DNAJC13: variants seen among roughly 807,000 people sequenced by gnomAD.
DNAJC13 encodes dnaJ homolog subfamily C member 13.
Under a neutral mutation model 290.5 loss-of-function variants are expected in DNAJC13, and 75 were observed. The observed-to-expected ratio is 0.26, with a 90% CI of 0.21 to 0.31. The LOEUF is 0.31. Among genes scored for constraint, DNAJC13 ranks in the 10% least tolerant of loss-of-function variants. The pLI, the probability that DNAJC13 is intolerant of heterozygous loss-of-function variation, is 1.00. For missense variants in DNAJC13, 2,260 were observed against 2,674.5 expected, an observed-to-expected ratio of 0.85 and a Z score of 3.42; for synonymous variants, 862 against 892.0, an observed-to-expected ratio of 0.97 and a Z score of 0.60.
At position 132,471,981 on chromosome 3, in the gene DNAJC13, C is replaced by T. The variant is rs567121423; in HGVS notation, c.2209-1164C>T. The stretch of plus-strand genomic sequence containing the variant: ...ATTGAGCACTGAGTGAACGAGACTC[C>T]GTCTGCAATCCCGGCACCTCGGGAG... On this transcript the variant is annotated intron_variant, in intron 20 of 55. Coordinates refer to ENST00000260818, the MANE Select transcript of DNAJC13 (RefSeq NM_015268.4). 1.5e-4 allele frequency among the ~76,000 whole-genome samples: 22 copies of T among 148,344 alleles called. No homozygotes were observed. The South Asian group carries it at 5.0e-3, about 34-fold the overall frequency.
At chr3:132,507,713 T>C (rs1935640381) in intron 43 of DNAJC13, among the ~76,000 whole-genome samples, 2 of 152,190 alleles carry the variant, frequency 1.3e-5, no homozygotes, top group African/African-American at 2.4e-5. Flanking sequence ...TCAATAAATG[T>C]ATGTGTTCTG....
At position 132,479,213 on chromosome 3, in the gene DNAJC13, A is replaced by G. The variant is rs78618286; in HGVS notation, c.2710-14A>G. The G allele has an allele frequency of 5.5e-3, 8,682 of 1,576,056 alleles. 379 individuals are homozygous for G. The African/African-American group carries it at 0.099, about 18-fold the overall frequency. ...TCTATTCACTTCTGACCAGATTCTC[A>G]TTTATTTCAATAGTGCACAGATAAA... On this transcript the variant is annotated splice_polypyrimidine_tract_variant and intron_variant, in intron 24 of 55. Coordinates refer to ENST00000260818, the MANE Select transcript of DNAJC13 (RefSeq NM_015268.4).
Position 132,447,302 on chromosome 3 carries a change from A to G in DNAJC13, c.145-19A>G, listed in dbSNP as rs1181038930. ...TACTGTATTATAGTAGCACCAGTCA[A>G]AATTTTTTTTTTTTTAAGTGGCCTT... On this transcript the variant is annotated intron_variant, in intron 3 of 55. Transcript: ENST00000260818. 7.2e-6 allele frequency: 11 copies of G among 1,519,044 alleles called. No individual in the cohort carries two copies. Among genetic ancestry groups the G allele is most frequent in the Non-Finnish European group, 9.7e-6 (11 of 1,137,612 alleles). 94.1% of individuals were successfully genotyped at this position (1,519,044 alleles called of 1,614,324 possible).
intron 1 of DNAJC13, among the ~76,000 whole-genome samples, chr3:132,434,175 A>C (rs531179635): frequency 6.6e-6 from 1 of 150,672 alleles, no homozygotes; most frequent in Non-Finnish European, 1.5e-5. Flanking sequence ...TCGCCACTGC[A>C]CTCCAGCCTG....
chr3:132,463,846 T>C, intron 17 of DNAJC13, 29 bp downstream of exon 17: 1 of 1,597,778 alleles, frequency 6.3e-7, no homozygotes, highest in South Asian at 1.1e-5. Context: ...TTTGCTGCAA[T>C]TTAACTTCCT....
Position 132,453,719 on chromosome 3 carries a change from A to T in DNAJC13, c.840+25A>T, listed in dbSNP as rs1315333873. On this transcript the variant is annotated intron_variant, in intron 8 of 55. Coordinates refer to ENST00000260818, the MANE Select transcript of DNAJC13 (RefSeq NM_015268.4). The stretch of plus-strand genomic sequence containing the variant: ...AGTAAGTTTCAGCATTGTTAGCTTA[A>T]ATGAGATTTCTTTCTATTGATAAAT... The T allele has an allele frequency of 6.4e-6, 10 of 1,557,026 alleles. No individual in the cohort carries two copies. In the African/African-American group the frequency reaches 1.4e-4, roughly 21 times the overall value.
chr3:132,528,055 C>A, intron 53 of DNAJC13, 134 bp from the exon 54 acceptor site: 1 of 862,026 alleles, frequency 1.2e-6, no homozygotes, highest in South Asian at 1.7e-5. Context: ...TCATTAGATA[C>A]TTAAGCCTGT....
intron 1 of DNAJC13, among the ~76,000 whole-genome samples, chr3:132,430,820 T>G (rs6439357): frequency 0.51 from 78,204 of 152,038 alleles, 22,827 homozygotes; most frequent in African/African-American, 0.81. Context: ...CAGGGATAAT[T>G]CTTACTGGGT....
At chr3:132,485,619 G>T (rs1156675042) in intron 29 of DNAJC13, among the ~76,000 whole-genome samples, 3 of 152,176 alleles carry the variant, frequency 2.0e-5, no homozygotes, top group Non-Finnish European at 2.9e-5. Context: ...ATGTTGTTAA[G>T]ACTACTGGGA....
In DNAJC13 at chr3:132,516,698, T is replaced by A. The variant is rs2107737480; in HGVS notation, c.5561-6T>A. 6.2e-7 allele frequency: 1 copy of A among 1,606,672 alleles called. No homozygotes were observed. Among genetic ancestry groups the A allele is most frequent in the African/African-American group, 1.3e-5 (1 of 74,590 alleles). ...TATAAGCACTAATTATCTTTTTCCT[T>A]CATAGGTGCTTTGATCTATTTACTG... On this transcript the variant is annotated splice_region_variant and splice_polypyrimidine_tract_variant and intron_variant, in intron 47 of 55. Coordinates refer to ENST00000260818, the MANE Select transcript of DNAJC13 (RefSeq NM_015268.4).
chr3:132,482,916 A>G (rs1248768204), intron 27 of DNAJC13, among the ~76,000 whole-genome samples: 23 of 152,102 alleles, frequency 1.5e-4, no homozygotes, highest in Admixed American at 1.5e-3. Context: ...TAATGTTTCT[A>G]TATGGTATGA....
At chr3:132,456,134 C>A in intron 9 of DNAJC13, 101 bp from the exon 10 acceptor site, 9 of 1,040,712 alleles carry the variant, frequency 8.6e-6, no homozygotes, top group Non-Finnish European at 1.1e-5. Flanking sequence ...GTAGTGTGTC[C>A]CTGAGCAGAT....
At chr3:132,515,245 A>C (rs1484412290) in intron 46 of DNAJC13, among the ~76,000 whole-genome samples, 1 of 152,194 alleles carries the variant, frequency 6.6e-6, no homozygotes, top group African/African-American at 2.4e-5. Context: ...AGGCAATTAC[A>C]ATATAACTTC....
chr3:132,440,150 A>G (rs1009526097), intron 2 of DNAJC13, among the ~76,000 whole-genome samples: 1 of 152,198 alleles, frequency 6.6e-6, no homozygotes, highest in Non-Finnish European at 1.5e-5. Flanking sequence ...CCAGCTACTC[A>G]GGAGGCTGAG....
At chr3:132,536,247 A>C (rs1029120024) in intron 55 of DNAJC13, among the ~76,000 whole-genome samples, 1 of 152,230 alleles carries the variant, frequency 6.6e-6, no homozygotes, top group Non-Finnish European at 1.5e-5. Context: ...TGTGGCAGGC[A>C]ACTGTAGTCC....
At chr3:132,468,611 C>T (rs1934080350) in intron 20 of DNAJC13, among the ~76,000 whole-genome samples, 1 of 152,162 alleles carries the variant, frequency 6.6e-6, no homozygotes, top group Non-Finnish European at 1.5e-5. Flanking sequence ...ATCCAAGTTA[C>T]GGTTTTTAGA....
At chr3:132,430,708 G>A (rs574978052) in intron 1 of DNAJC13, among the ~76,000 whole-genome samples, 9 of 152,110 alleles carry the variant, frequency 5.9e-5, no homozygotes, top group South Asian at 4.1e-4. Flanking sequence ...AAAAATATCC[G>A]TACACCTATA....
chr3:132,479,110 A>G lies in DNAJC13; in HGVS notation c.2710-117A>G, dbSNP rs1235366011. The G allele has an allele frequency of 7.0e-6, 4 of 572,658 alleles. No individual in the cohort carries two copies. In the African/African-American group the frequency reaches 7.6e-5, roughly 11 times the overall value. The allele number at this position is 572,658 out of a possible 1,614,324, so 35.5% of individuals were successfully genotyped here. A position where few individuals can be genotyped will look rare whatever the true frequency, so the allele number is the denominator to read the frequency against. The stretch of plus-strand genomic sequence containing the variant: ...ACAGATTTCTATGATTTTTCTCCTT[A>G]ATGTTTATAAAATGGCATTACTTCT... On this transcript the variant is annotated intron_variant, in intron 24 of 55. Coordinates refer to ENST00000260818, the MANE Select transcript of DNAJC13 (RefSeq NM_015268.4).
chr3:132,491,183 C>G, intron 32 of DNAJC13, 132 bp downstream of exon 32: 1 of 787,524 alleles, frequency 1.3e-6, no homozygotes, highest in South Asian at 2.3e-5. Flanking sequence ...TCATTGATGC[C>G]AAATCAAATG....
Sources: gnomAD v4.1 joint callset for allele counts (sites outside exome capture counted in the v4.1 genomes callset) on GRCh38, gnomAD v4.1.1 for gene constraint, MANE v1.5 for transcripts, NCBI Gene and HGNC (gene_info 2026-07-23, HGNC 2026-07-21) for gene names.